The following CCSER1 variants were observed in gnomAD, a reference collection of about 807,000 sequenced individuals.
CCSER1 encodes the protein coiled-coil serine rich protein 1, also known as serine-rich coiled-coil domain-containing protein 1.
Under a neutral mutation model 82.0 loss-of-function variants are expected in CCSER1, and 41 were observed. That is an observed-to-expected ratio of 0.50 (90% CI 0.39 to 0.65). The LOEUF is 0.65. Ranked by LOEUF, CCSER1 falls within the 30% of genes least tolerant of loss-of-function variation. The pLI is 0.00. For synonymous variants in CCSER1, 414 were observed against 383.9 expected, an observed-to-expected ratio of 1.08 and a Z score of -0.92; for missense variants, 1,119 against 1,064.2, an observed-to-expected ratio of 1.05 and a Z score of -0.72.
chr4:90,765,505 C>G (rs893487049), intron 7 of CCSER1, among the ~76,000 whole-genome samples: 3 of 151,934 alleles, frequency 2.0e-5, no homozygotes, highest in Admixed American at 2.0e-4. Context: ...ACATAAAAAC[C>G]TATTTAGGAT....
chr4:91,034,568 A>G (rs1346310166), intron 9 of CCSER1, among the ~76,000 whole-genome samples: 2 of 152,106 alleles, frequency 1.3e-5, no homozygotes, highest in Non-Finnish European at 2.9e-5. Context: ...AGCACTTTTT[A>G]CTATTTATTG....
At chr4:90,724,048 G>A (rs1265469117) in intron 7 of CCSER1, 57 bp downstream of exon 7, 1 of 1,007,130 alleles carries the variant, frequency 9.9e-7, no homozygotes, top group Non-Finnish European at 1.5e-6. Flanking sequence ...TTAATAAATA[G>A]TTTAAAATAG....
At chr4:91,488,906 A>G (rs1758363158) in intron 10 of CCSER1, among the ~76,000 whole-genome samples, 1 of 152,192 alleles carries the variant, frequency 6.6e-6, no homozygotes, top group South Asian at 2.1e-4. Flanking sequence ...ATAGGTAGAA[A>G]AACTAAACAA....
At chr4:91,351,563 G>C (rs1748472255) in intron 10 of CCSER1, among the ~76,000 whole-genome samples, 2 of 151,872 alleles carry the variant, frequency 1.3e-5, no homozygotes, top group Admixed American at 6.6e-5. Context: ...CAGTATACTG[G>C]GACGAGAGTT....
intron 5 of CCSER1, among the ~76,000 whole-genome samples, chr4:90,481,298 C>T (rs1286345390): frequency 6.6e-6 from 1 of 152,170 alleles, no homozygotes; most frequent in Non-Finnish European, 1.5e-5. Context: ...TCTAGATATA[C>T]AATCATGTCA....
chr4:91,260,668 G>C (rs1354493866), intron 10 of CCSER1, among the ~76,000 whole-genome samples: 1 of 152,146 alleles, frequency 6.6e-6, no homozygotes, highest in Non-Finnish European at 1.5e-5. Flanking sequence ...TCTAAAGAGT[G>C]ATATACACTT....
At chr4:90,395,022 AACTT>A (rs1454382725) in intron 3 of CCSER1, among the ~76,000 whole-genome samples, 2 of 152,222 alleles carry the variant, frequency 1.3e-5, no homozygotes, top group Admixed American at 6.5e-5. Flanking sequence ...AGATCTTCAG[AACTT>A]ACTTCTCCTA....
intron 9 of CCSER1, among the ~76,000 whole-genome samples, chr4:91,034,785 A>T (rs1409493102): frequency 1.3e-5 from 2 of 151,952 alleles, no homozygotes; most frequent in African/African-American, 4.8e-5. Context: ...TAAAAATGTT[A>T]GTTACAATTC....
intron 8 of CCSER1, among the ~76,000 whole-genome samples, chr4:90,913,156 C>T (rs184766812): frequency 2.6e-5 from 4 of 151,996 alleles, no homozygotes; most frequent in Non-Finnish European, 4.4e-5. Context: ...AGATACTCCT[C>T]GAGAAGAGCT....
At chr4:90,482,465 G>A (rs1201288184) in intron 5 of CCSER1, among the ~76,000 whole-genome samples, 1 of 152,152 alleles carries the variant, frequency 6.6e-6, no homozygotes, top group Non-Finnish European at 1.5e-5. Flanking sequence ...TGTGATGTTA[G>A]GGTGTCAATT....
At chr4:90,248,766 C>A (rs936291138) in intron 1 of CCSER1, among the ~76,000 whole-genome samples, 1 of 151,062 alleles carries the variant, frequency 6.6e-6, no homozygotes, top group Non-Finnish European at 1.5e-5. Context: ...GGTGTGATCA[C>A]CGTTCACTGA....
At chr4:90,866,573 C>T (rs189909066) in intron 8 of CCSER1, among the ~76,000 whole-genome samples, 41 of 152,118 alleles carry the variant, frequency 2.7e-4, no homozygotes, top group African/African-American at 9.6e-4. Flanking sequence ...ACATTTTAGG[C>T]TATAAGTTGA....
chr4:90,203,032 A>G (rs1199189554), intron 1 of CCSER1, among the ~76,000 whole-genome samples: 1 of 152,224 alleles, frequency 6.6e-6, no homozygotes, highest in South Asian at 2.1e-4. Flanking sequence ...AGCAGTTTTA[A>G]AAAAGTATAA....
intron 10 of CCSER1, among the ~76,000 whole-genome samples, chr4:91,432,570 C>T (rs931775956): frequency 5.9e-5 from 9 of 151,900 alleles, no homozygotes; most frequent in Non-Finnish European, 8.8e-5. Context: ...ATCAAACTTC[C>T]ATACTTTTAT....
chr4:91,533,538 A>G (rs1258371588), intron 10 of CCSER1, among the ~76,000 whole-genome samples: 1 of 152,158 alleles, frequency 6.6e-6, no homozygotes, highest in Non-Finnish European at 1.5e-5. Flanking sequence ...TAGGTTTAGA[A>G]GACAAATAGC....
At chr4:91,231,228 T>C (rs1221199571) in intron 10 of CCSER1, among the ~76,000 whole-genome samples, 1 of 151,890 alleles carries the variant, frequency 6.6e-6, no homozygotes, top group Non-Finnish European at 1.5e-5. Flanking sequence ...AGGGATATAG[T>C]TGAATAAAAG....
intron 10 of CCSER1, among the ~76,000 whole-genome samples, chr4:91,137,771 A>G (rs1305029339): frequency 1.3e-5 from 2 of 152,020 alleles, no homozygotes; most frequent in Non-Finnish European, 2.9e-5. Context: ...AAAAATCACA[A>G]GCATTCTTAT....
At chr4:90,154,560 A>G (rs1396968660) in intron 1 of CCSER1, among the ~76,000 whole-genome samples, 38 of 148,946 alleles carry the variant, frequency 2.6e-4, no homozygotes, top group African/African-American at 8.6e-4. Flanking sequence ...TTCCTTGAGC[A>G]GTGGTTTGTA....
intron 1 of CCSER1, among the ~76,000 whole-genome samples, chr4:90,271,123 G>C (rs1428454100): frequency 6.6e-6 from 1 of 151,810 alleles, no homozygotes; most frequent in Non-Finnish European, 1.5e-5. Context: ...ATTTCTCTCA[G>C]AAATAGAAAA....
Sources: allele counts gnomAD v4.1 joint callset (sites outside exome capture counted in the v4.1 genomes callset), GRCh38; gene constraint gnomAD v4.1.1; transcripts MANE v1.5; gene names NCBI Gene and HGNC (gene_info 2026-07-23, HGNC 2026-07-21).